Variants in CNTN4 observed in about 807,000 individuals in gnomAD.
The protein encoded by CNTN4 is contactin 4.
CNTN4 carries 77 observed loss-of-function variants against 122.5 expected under a neutral mutation model. That is an observed-to-expected ratio of 0.63 (90% CI 0.52 to 0.76). The LOEUF is 0.76. Among genes scored for constraint, CNTN4 ranks in the 30% least tolerant of loss-of-function variants. The probability of loss-of-function intolerance (pLI) is 0.00; values close to 1 mark genes in which losing one functional copy is unlikely to be tolerated. For synonymous variants in CNTN4, 512 were observed against 447.0 expected (o/e 1.15, Z -1.83); for missense variants, 1,256 against 1,259.1 (o/e 1.00, Z 0.04).
chr3:2,390,215 A>AGTGTGTGTGTGTGTGTGTGTGTGT, intron 3 of CNTN4, among the ~76,000 whole-genome samples: 1 of 144,878 alleles, frequency 6.9e-6, no homozygotes, highest in Admixed American at 6.9e-5. Flanking sequence ...AGGAAAAAAG[A>AGTGTGTGTGTGTGTGTGTGTGTGT]GTGTGTGTGT....
intron 2 of CNTN4, among the ~76,000 whole-genome samples, chr3:2,188,095 G>A (rs1006204718): frequency 2.2e-4 from 34 of 151,842 alleles, no homozygotes; most frequent in African/African-American, 7.8e-4. Context: ...CCCCTTGATT[G>A]GTTACCTTTT....
intron 4 of CNTN4, among the ~76,000 whole-genome samples, chr3:2,591,580 G>T (rs1308482074): frequency 1.9e-5 from 1 of 52,402 alleles, no homozygotes; most frequent in Non-Finnish European, 4.8e-5. Context: ...TAGCCAGGAT[G>T]GTCTCGATCT....
intron 9 of CNTN4, among the ~76,000 whole-genome samples, chr3:2,886,094 G>A (rs552720250): frequency 6.0e-4 from 92 of 152,114 alleles, no homozygotes; most frequent in Admixed American, 1.3e-3. Flanking sequence ...TCAAGGGGAG[G>A]GGCCATAGAC....
intron 13 of CNTN4, among the ~76,000 whole-genome samples, chr3:2,973,955 T>C (rs766134860): frequency 1.3e-5 from 2 of 152,148 alleles, no homozygotes; most frequent in African/African-American, 4.8e-5. Context: ...GATTGGCACT[T>C]CTCCAAGTAC....
At chr3:2,252,168 A>G (rs951479256) in intron 2 of CNTN4, among the ~76,000 whole-genome samples, 1 of 152,006 alleles carries the variant, frequency 6.6e-6, no homozygotes, top group Non-Finnish European at 1.5e-5. Context: ...ACAGTCTCTA[A>G]TGAAATAATT....
At chr3:2,614,008 AAAGAG>A (rs2081608072) in intron 4 of CNTN4, among the ~76,000 whole-genome samples, 1 of 152,170 alleles carries the variant, frequency 6.6e-6, no homozygotes. Context: ...ACTTTTTCTC[AAAGAG>A]CTAACATTCT....
At chr3:2,797,214 T>G (rs1378535867) in intron 6 of CNTN4, among the ~76,000 whole-genome samples, 1 of 152,128 alleles carries the variant, frequency 6.6e-6, no homozygotes, top group Non-Finnish European at 1.5e-5. Flanking sequence ...TTGTCCAGGC[T>G]GGTCTTGAAT....
chr3:2,139,620 A>G (rs554362847), intron 2 of CNTN4, among the ~76,000 whole-genome samples: 18 of 152,244 alleles, frequency 1.2e-4, no homozygotes, highest in Non-Finnish European at 1.9e-4. Flanking sequence ...AGTGGTAGAC[A>G]TAGATTATCA....
chr3:2,584,316 C>T (rs935098348), intron 4 of CNTN4, among the ~76,000 whole-genome samples: 2 of 152,152 alleles, frequency 1.3e-5, no homozygotes, highest in East Asian at 3.9e-4. Flanking sequence ...AGCCGCATGC[C>T]TTCTGGCCTT....
At chr3:2,885,656 T>G (rs552540203) in intron 9 of CNTN4, among the ~76,000 whole-genome samples, 1 of 152,242 alleles carries the variant, frequency 6.6e-6, no homozygotes, top group African/African-American at 2.4e-5. Flanking sequence ...GTTTCTGTTA[T>G]CTATTGCTAC....
chr3:2,970,185 C>A (rs1692758626), intron 13 of CNTN4, among the ~76,000 whole-genome samples: 1 of 152,076 alleles, frequency 6.6e-6, no homozygotes, highest in African/African-American at 2.4e-5. Flanking sequence ...ACCTCTAACT[C>A]CTGGGCTCAA....
intron 4 of CNTN4, among the ~76,000 whole-genome samples, chr3:2,685,834 A>G (rs527814781): frequency 6.6e-6 from 1 of 152,138 alleles, no homozygotes; most frequent in African/African-American, 2.4e-5. Context: ...TTGGGTTTAC[A>G]TTAGTGGACT....
At chr3:2,630,658 T>C (rs2082390314) in intron 4 of CNTN4, among the ~76,000 whole-genome samples, 1 of 151,876 alleles carries the variant, frequency 6.6e-6, no homozygotes, top group South Asian at 2.1e-4. Context: ...TAGTAAAATT[T>C]GAGAGGAATT....
chr3:2,151,670 T>G (rs1031248626), intron 2 of CNTN4, among the ~76,000 whole-genome samples: 5 of 152,194 alleles, frequency 3.3e-5, no homozygotes, highest in African/African-American at 1.2e-4. Context: ...AAGAATGGAT[T>G]CATCCACTCA....
At position 2,649,123 on chromosome 3, in the gene CNTN4, C is replaced by T. The variant is rs1246799348; in HGVS notation, c.55+77565C>T. ...ATGAGATTTAAGGAAAGAGATGCCA[C>T]CTCCTTAACATAAAAGTGCAAGGTG... On this transcript the variant is annotated intron_variant, in intron 4 of 24. Coordinates refer to ENST00000418658, the MANE Select transcript of CNTN4 (RefSeq NM_175607.3). Among the ~76,000 whole-genome samples the T allele has an allele frequency of 2.6e-5, 4 of 152,166 alleles. No individual in the cohort carries two copies. The East Asian group carries it at 7.7e-4, about 29-fold the overall frequency.
chr3:2,312,213 A>G (rs535874378), intron 2 of CNTN4, among the ~76,000 whole-genome samples: 1 of 152,154 alleles, frequency 6.6e-6, no homozygotes, highest in East Asian at 1.9e-4. Flanking sequence ...TGCTATGACC[A>G]GTGGAATACC....
intron 3 of CNTN4, among the ~76,000 whole-genome samples, chr3:2,444,095 C>A (rs1323935487): frequency 6.6e-6 from 1 of 151,230 alleles, no homozygotes; most frequent in Non-Finnish European, 1.5e-5. Flanking sequence ...TTTACATGTT[C>A]TTTTTAAGGC....
intron 2 of CNTN4, among the ~76,000 whole-genome samples, chr3:2,284,012 A>G (rs1398851512): frequency 6.6e-6 from 1 of 152,070 alleles, no homozygotes; most frequent in African/African-American, 2.4e-5. Context: ...CTATTTGCCA[A>G]TGCAAATGTG....
chr3:3,033,662 T>C (rs1699369350), intron 16 of CNTN4, among the ~76,000 whole-genome samples: 1 of 152,190 alleles, frequency 6.6e-6, no homozygotes, highest in African/African-American at 2.4e-5. Context: ...CACCATCACC[T>C]TCCCTCCTGA....
Sources: gnomAD v4.1 joint callset for allele counts (sites outside exome capture counted in the v4.1 genomes callset) on GRCh38, gnomAD v4.1.1 for gene constraint, MANE v1.5 for transcripts, NCBI Gene and HGNC (gene_info 2026-07-23, HGNC 2026-07-21) for gene names.